FARP2: variants seen among roughly 807,000 people sequenced by gnomAD.
FARP2 encodes the protein FERM, ARHGEF and pleckstrin domain-containing protein 2.
Under a neutral mutation model 130.5 loss-of-function variants are expected in FARP2, and 111 were observed. The ratio of observed to expected loss-of-function variants is 0.85; its 90% CI spans 0.73 to 1.00. The LOEUF (loss-of-function observed/expected upper bound fraction) is 1.00, where lower values mean the gene tolerates loss of function less well. Among genes scored for constraint, FARP2 ranks in the 50% least tolerant of loss-of-function variants. FARP2 has a pLI of 0.00. For synonymous variants in FARP2, 504 were observed against 516.9 expected (o/e 0.98, Z 0.34); for missense variants, 1,385 against 1,346.3 (o/e 1.03, Z -0.45).
At chr2:241,393,163 G>A (rs976091577) in intron 2 of FARP2, among the ~76,000 whole-genome samples, 8 of 151,716 alleles carry the variant, frequency 5.3e-5, no homozygotes, top group African/African-American at 1.9e-4. Flanking sequence ...GGGACTACAG[G>A]CACCTGCCAC....
chr2:241,432,006 G>A (rs1309413516), intron 9 of FARP2, among the ~76,000 whole-genome samples: 1 of 151,874 alleles, frequency 6.6e-6, no homozygotes, highest in Non-Finnish European at 1.5e-5. Flanking sequence ...TTTTTGTAGA[G>A]ACAGGGTTTC....
In FARP2 at chr2:241,373,257, G is replaced by T. The variant is rs1446185416; in HGVS notation, c.150G>T (p.Leu50=). 1.3e-6 allele frequency: 2 copies of T among 1,522,186 alleles called. No individual in the cohort carries two copies. The allele number at this position is 1,522,186 out of a possible 1,614,324, so 94.3% of individuals were successfully genotyped here. A position where few individuals can be genotyped will look rare whatever the true frequency, so the allele number is the denominator to read the frequency against. Residue 50 remains leucine (L), a synonymous_variant, in exon 2 of 27, where the codon CTG becomes CTT. Coordinates refer to ENST00000264042, the MANE Select transcript of FARP2 (RefSeq NM_014808.4). ...AGCACCTGCACCTCAGAGTAAAGCT[G>T]CTGGACAACACCATGGAAATATTTG... ...QEKHLHLRVK[L]LDNTMEIFDI...
At chr2:241,460,518 TCCTCCCATATCAG>T (rs901947530) in intron 14 of FARP2, among the ~76,000 whole-genome samples, 1 of 151,830 alleles carries the variant, frequency 6.6e-6, no homozygotes, top group African/African-American at 2.4e-5. Flanking sequence ...CCTCGAGTGA[TCCTCCCATATCAG>T]CCTCCCAAAG....
At chr2:241,451,640 ATTTAGAG>A (rs2063661031) in intron 13 of FARP2, among the ~76,000 whole-genome samples, 1 of 152,184 alleles carries the variant, frequency 6.6e-6, no homozygotes, top group Non-Finnish European at 1.5e-5. Flanking sequence ...ATGACCTCGG[ATTTAGAG>A]TTTATTTTTT....
Position 241,437,666 on chromosome 2 carries a change from A to ATTTTTTTTT in FARP2, c.1158+1131_1158+1132insTTTTTTTTT, listed in dbSNP as rs1243876155. 2.9e-3 allele frequency among the ~76,000 whole-genome samples: 371 copies of ATTTTTTTTT among 129,002 alleles called. 6 individuals carry two copies. Among genetic ancestry groups the ATTTTTTTTT allele is most frequent in the Admixed American group, 0.02 (224 of 10,932 alleles). The allele number at this position is 129,002 out of a possible 152,430, so 84.6% of individuals were successfully genotyped here. ...TATATATATATTTATTTATTTATTT[A>ATTTTTTTTT]TTTATTTTTTTTTTTTGAGACGGAG... On this transcript the variant is annotated intron_variant, in intron 12 of 26. Coordinates refer to ENST00000264042, the MANE Select transcript of FARP2 (RefSeq NM_014808.4).
At chr2:241,456,261 T>G (rs2063834415) in intron 13 of FARP2, among the ~76,000 whole-genome samples, 1 of 152,176 alleles carries the variant, frequency 6.6e-6, no homozygotes, top group Non-Finnish European at 1.5e-5. Flanking sequence ...TATGATCCGT[T>G]TTTTAATGAA....
At chr2:241,487,051 G>T (rs914571796) in intron 21 of FARP2, among the ~76,000 whole-genome samples, 2 of 152,240 alleles carry the variant, frequency 1.3e-5, no homozygotes, top group South Asian at 2.1e-4. Context: ...ATCACTCAGC[G>T]TGCTGGTCAC....
At chr2:241,468,476 G>T in intron 18 of FARP2, 99 bp downstream of exon 18, 1 of 851,976 alleles carries the variant, frequency 1.2e-6, no homozygotes, top group South Asian at 1.5e-5. Context: ...ACTGGGAAGC[G>T]CAGGAGTCCA....
intron 22 of FARP2, 63 bp downstream of exon 22, chr2:241,490,107 C>A: frequency 8.3e-7 from 1 of 1,199,916 alleles, no homozygotes; most frequent in Non-Finnish European, 1.2e-6. Context: ...ACTTCCTCGC[C>A]ATGAGCCTCT....
intron 1 of FARP2, among the ~76,000 whole-genome samples, chr2:241,366,651 T>C (rs760638343): frequency 2.4e-4 from 36 of 152,124 alleles, no homozygotes; most frequent in Non-Finnish European, 4.4e-4. Context: ...AACATGATTT[T>C]ATGGGGTATA....
chr2:241,484,162 A>C, intron 20 of FARP2, 80 bp from the exon 21 acceptor site: 1 of 1,591,716 alleles, frequency 6.3e-7, no homozygotes, highest in Non-Finnish European at 8.6e-7. Flanking sequence ...CCACATGATG[A>C]GCAGCCAGAG....
At chr2:241,402,290 C>G (rs1188637420) in intron 2 of FARP2, among the ~76,000 whole-genome samples, 1 of 152,210 alleles carries the variant, frequency 6.6e-6, no homozygotes. Flanking sequence ...GTGGCTGTTT[C>G]TCACAGACAC....
At chr2:241,420,361 A>G (rs1195937681) in intron 8 of FARP2, among the ~76,000 whole-genome samples, 3 of 152,136 alleles carry the variant, frequency 2.0e-5, no homozygotes, top group East Asian at 1.9e-4. Context: ...TATGTGCACT[A>G]TATTCCACAC....
chr2:241,450,536 T>G (rs549080458), intron 13 of FARP2, among the ~76,000 whole-genome samples: 33 of 151,858 alleles, frequency 2.2e-4, no homozygotes, highest in Middle Eastern at 3.4e-3. Flanking sequence ...TATGGTGGTG[T>G]GTGCCTGTAA....
At chr2:241,468,400 A>G in intron 18 of FARP2, 23 bp downstream of exon 18, 1 of 1,573,816 alleles carries the variant, frequency 6.4e-7, no homozygotes, top group Non-Finnish European at 8.7e-7. Context: ...GCGGCCCTGC[A>G]TCTCAAGGAT....
At chr2:241,433,395 T>C (rs757823662) in intron 9 of FARP2, among the ~76,000 whole-genome samples, 22 of 152,230 alleles carry the variant, frequency 1.4e-4, no homozygotes, top group Non-Finnish European at 2.5e-4. Context: ...TTTCTAGGAA[T>C]TTATCCTAAG....
At chr2:241,402,613 G>A (rs1470829749) in intron 2 of FARP2, among the ~76,000 whole-genome samples, 1 of 151,384 alleles carries the variant, frequency 6.6e-6, no homozygotes. Context: ...CTGGTCTTTA[G>A]GTCCACTGGA....
intron 10 of FARP2, among the ~76,000 whole-genome samples, 196 bp downstream of exon 10, chr2:241,434,517 C>T (rs1222672217): frequency 6.6e-6 from 1 of 152,108 alleles, no homozygotes; most frequent in African/African-American, 2.4e-5. Flanking sequence ...AAAAACTTTG[C>T]TTACAAATTC....
At chr2:241,465,890 TGAA>T in intron 17 of FARP2, 1 of 1,455,740 alleles carries the variant, frequency 6.9e-7, no homozygotes, top group Non-Finnish European at 9.1e-7. Flanking sequence ...TAGCCCCACT[TGAA>T]GAACTGCATT....
Sources: allele counts gnomAD v4.1 joint callset (sites outside exome capture counted in the v4.1 genomes callset), GRCh38; gene constraint gnomAD v4.1.1; transcripts MANE v1.5; gene names NCBI Gene and HGNC (gene_info 2026-07-23, HGNC 2026-07-21).